MTRR: variants seen among roughly 807,000 people sequenced by gnomAD.
MTRR encodes the protein 5-methyltetrahydrofolate-homocysteine methyltransferase reductase, also known as methionine synthase reductase.
Under a neutral mutation model 79.2 loss-of-function variants are expected in MTRR, and 63 were observed. The ratio of observed to expected loss-of-function variants is 0.80; its 90% CI spans 0.65 to 0.98. The LOEUF (loss-of-function observed/expected upper bound fraction) is 0.98. Ranked by LOEUF, MTRR falls within the 50% of genes least tolerant of loss-of-function variation. MTRR has a pLI of 0.00. For synonymous variants in MTRR, 355 were observed against 313.3 expected (o/e 1.13, Z -1.41); for missense variants, 895 against 839.6 (o/e 1.07, Z -0.82).
rs140035191 is a variant in MTRR at position 7,875,356 on chromosome 5, C to A, written c.382C>A (p.His128Asn). 2 of 1,611,612 alleles carry A rather than the reference C, an allele frequency of 1.2e-6. No individual in the cohort carries two copies. The highest frequency in any genetic ancestry group is 4.5e-5 in the East Asian group (2 of 44,836). Residue 128 changes from histidine to asparagine, a missense_variant, in exon 4 of 15, where the codon CAT becomes AAT. Coordinates refer to ENST00000440940, the MANE Select transcript of MTRR (RefSeq NM_002454.3). ...AGCCCGGCATTTCTATGACACTGGA[C>A]ATGCAGATGACTGTGTAGGGTAAGG... ...LGARHFYDTG[H>N]ADDCVGLELV...
chr5:7,875,142 A>AT (rs2126674499), intron 3 of MTRR, 116 bp from the exon 4 acceptor site: 1 of 788,374 alleles, frequency 1.3e-6, no homozygotes, highest in South Asian at 1.4e-5. Flanking sequence ...GCTCTGCATT[A>AT]TTACTCCATC....
chr5:7,888,997 G>A, intron 8 of MTRR, 98 bp from the exon 9 acceptor site: 1 of 1,388,072 alleles, frequency 7.2e-7, no homozygotes, highest in Non-Finnish European at 1.0e-6. Flanking sequence ...ATTTTTTCTT[G>A]GGTAATTGGG....
At chr5:7,894,820 G>A (rs1327736927) in intron 11 of MTRR, among the ~76,000 whole-genome samples, 2 of 152,190 alleles carry the variant, frequency 1.3e-5, no homozygotes, top group Admixed American at 1.3e-4. Flanking sequence ...AAAGACAGGG[G>A]CGTTGTTTTG....
At chr5:7,855,515 T>TA (rs1458679185) in intron 1 of MTRR, among the ~76,000 whole-genome samples, 2 of 147,374 alleles carry the variant, frequency 1.4e-5, no homozygotes, top group Non-Finnish European at 3.0e-5. Context: ...AAACTTATAC[T>TA]TTTTTTTTTA....
At chr5:7,880,671 C>T (rs564280414) in intron 5 of MTRR, among the ~76,000 whole-genome samples, 7 of 152,252 alleles carry the variant, frequency 4.6e-5, no homozygotes, top group Non-Finnish European at 8.8e-5. Flanking sequence ...AGGAGGATGG[C>T]GTCAAATTCA....
intron 1 of MTRR, among the ~76,000 whole-genome samples, chr5:7,856,046 A>C (rs1365811523): frequency 6.6e-6 from 1 of 152,160 alleles, no homozygotes; most frequent in Non-Finnish European, 1.5e-5. Flanking sequence ...TTTAGGTAAA[A>C]TTTAATGAAG....
intron 1 of MTRR, chr5:7,861,413 T>C (rs1411144268): frequency 5.0e-6 from 3 of 599,324 alleles, no homozygotes; most frequent in Admixed American, 3.7e-5. Context: ...ATCTTATTAA[T>C]ATTAATGTTT....
At chr5:7,888,194 TG>T (rs1325777959) in intron 8 of MTRR, among the ~76,000 whole-genome samples, 2 of 152,180 alleles carry the variant, frequency 1.3e-5, no homozygotes, top group Non-Finnish European at 2.9e-5. Context: ...ACAAATTCCT[TG>T]GAGTAGAATT....
rs367741108 is a variant in MTRR at position 7,870,935 on chromosome 5, T to C, written c.129+12T>C. ...GTGAATCCGATAAGGTTAGAGCCGT[T>C]ACAGTGGATTTTACCGTTTTGTGCT... On this transcript the variant is annotated intron_variant, in intron 2 of 14. Coordinates refer to ENST00000440940, the MANE Select transcript of MTRR (RefSeq NM_002454.3). 2 of 1,614,190 alleles carry C rather than the reference T, an allele frequency of 1.2e-6. No individual in the cohort carries two copies.
intron 10 of MTRR, 142 bp downstream of exon 10, chr5:7,891,556 A>G (rs1017309602): frequency 1.4e-6 from 1 of 693,636 alleles, no homozygotes; most frequent in Non-Finnish European, 2.5e-6. Context: ...AATAAAGCAG[A>G]AGAAGAATCA....
At chr5:7,862,798 C>A in intron 2 of MTRR, 1 of 1,588,288 alleles carries the variant, frequency 6.3e-7, no homozygotes, top group Non-Finnish European at 8.6e-7. Context: ...AGGTTTAAAA[C>A]AACAAAACTC....
At chr5:7,867,452 C>G, upstream of MTRR, 1 of 1,614,202 alleles carries the variant, frequency 6.2e-7, no homozygotes, top group Non-Finnish European at 8.5e-7. Flanking sequence ...TTCCATGCCA[C>G]CTTTTCTGAG....
intron 1 of MTRR, among the ~76,000 whole-genome samples, chr5:7,856,030 G>C (rs1453929268): frequency 2.0e-5 from 3 of 152,090 alleles, no homozygotes; most frequent in Non-Finnish European, 4.4e-5. Context: ...TTTGGGGAGG[G>C]GTGAATTTAG....
At chr5:7,865,532 A>G (rs1746884226), upstream of MTRR, among the ~76,000 whole-genome samples, 1 of 152,238 alleles carries the variant, frequency 6.6e-6, no homozygotes, top group Admixed American at 6.5e-5. Context: ...CTTGCAAATA[A>G]TTTAGGTATT....
intron 4 of MTRR, among the ~76,000 whole-genome samples, chr5:7,877,731 T>C (rs1734816859): frequency 6.6e-6 from 1 of 152,138 alleles, no homozygotes; most frequent in Admixed American, 6.5e-5. Context: ...CCTTTATACA[T>C]ACTCATGTTT....
chr5:7,892,659 G>A (rs1368377685), intron 10 of MTRR, 68 bp from the exon 11 acceptor site: 15 of 1,447,200 alleles, frequency 1.0e-5, no homozygotes, highest in Non-Finnish European at 1.3e-5. Context: ...TGAATAAAAG[G>A]ATTGGTTTGA....
intron 1 of MTRR, chr5:7,861,219 C>T: frequency 6.2e-7 from 1 of 1,612,392 alleles, no homozygotes; most frequent in Non-Finnish European, 8.5e-7. Flanking sequence ...TAAGTGTTTG[C>T]TATTGGAGCA....
At chr5:7,884,177 A>T (rs1736034338) in intron 6 of MTRR, among the ~76,000 whole-genome samples, 1 of 152,172 alleles carries the variant, frequency 6.6e-6, no homozygotes, top group Non-Finnish European at 1.5e-5. Context: ...TTTTTTAAAA[A>T]AAGAAAAGAA....
Position 7,886,632 on chromosome 5 carries a change from C to T in MTRR, c.1075C>T (p.His359Tyr), listed in dbSNP as rs1405292334. Residue 359 changes from histidine (H) to tyrosine (Y), a missense_variant, in exon 8 of 15, where the codon CAT becomes TAT. His to Tyr is a moderately conservative substitution (Grantham distance 83). Coordinates refer to ENST00000440940, the MANE Select transcript of MTRR (RefSeq NM_002454.3). ...TKKKGATLPQHIPAGCSLQFI... is the reference protein window; with the variant it reads ...TKKKGATLPQYIPAGCSLQFI... ...CTGAAAAGGAGCTACCTTACCCCAG[C>T]ATATACCTGCGGGATGTTCTCTCCA... 5 of 1,613,664 alleles carry T rather than the reference C, an allele frequency of 3.1e-6. No individual in the cohort carries two copies. The highest frequency in any genetic ancestry group is 4.2e-6 in the Non-Finnish European group (5 of 1,179,586).
Sources: gnomAD v4.1 joint callset for allele counts (sites outside exome capture counted in the v4.1 genomes callset) on GRCh38, gnomAD v4.1.1 for gene constraint, MANE v1.5 for transcripts, NCBI Gene and HGNC (gene_info 2026-07-23, HGNC 2026-07-21) for gene names.